Variants in CHLSN observed in about 807,000 individuals in gnomAD.
CHLSN encodes the protein cholesin.
chr7:984,837 G>A, the CHLSN span: 16 of 1,397,896 alleles, frequency 1.1e-5, no homozygotes, highest in South Asian at 4.2e-5. Context: ...GGATGGGGGT[G>A]AGGGCCCAGC....
chr7:1,023,045 C>T, the CHLSN span: 16 of 452,096 alleles, frequency 3.5e-5, no homozygotes, highest in Admixed American at 1.4e-4. This position sits in a 1 kb window ranked among gnomAD's most constrained non-coding sequence, Gnocchi z 5.0. Context: ...GAGCACAGGA[C>T]GCTTCCTGCC....
the CHLSN span, among the ~76,000 whole-genome samples, chr7:1,084,927 T>C: frequency 6.6e-5 from 10 of 152,162 alleles, no homozygotes; most frequent in African/African-American, 2.2e-4. Context: ...GGACTGGGGA[T>C]GGGACAGGGA....
At chr7:1,093,275 C>T in the CHLSN span, 7 of 440,954 alleles carry the variant, frequency 1.6e-5, no homozygotes, top group Non-Finnish European at 3.3e-5. Flanking sequence ...AGCAAATCTG[C>T]CACCGTGGGG....
At chr7:1,059,667 A>G in the CHLSN span, among the ~76,000 whole-genome samples, 144 of 29,870 alleles carry the variant, frequency 4.8e-3, no homozygotes, top group East Asian at 0.015. Flanking sequence ...GGGCGGGTCC[A>G]TAGTGAGGCG....
chr7:1,133,975 T>C, the CHLSN span, among the ~76,000 whole-genome samples: 3 of 152,068 alleles, frequency 2.0e-5, no homozygotes, highest in Admixed American at 1.3e-4. Context: ...TAGCTAACTC[T>C]TGTATTTTTT....
At chr7:1,057,804 G>T in the CHLSN span, 1 of 776,210 alleles carries the variant, frequency 1.3e-6, no homozygotes, top group East Asian at 2.4e-5. Context: ...GCTGTGGAGT[G>T]TGGGCGGCGA....
At chr7:1,025,902 C>G in the CHLSN span, 2 of 152,272 alleles carry the variant, frequency 1.3e-5, no homozygotes, top group Non-Finnish European at 2.9e-5. Flanking sequence ...CACCAGGACG[C>G]TGCCTGGGAC....
chr7:997,594 TGGGC>T, the CHLSN span: 2 of 1,491,074 alleles, frequency 1.3e-6, no homozygotes. Context: ...AGCCCTGCAC[TGGGC>T]AGCGGCCCCG....
chr7:983,981 C>A, the CHLSN span, among the ~76,000 whole-genome samples: 29,630 of 152,136 alleles, frequency 0.19, 3,150 homozygotes, highest in East Asian at 0.3. Context: ...CCGGCTGCCC[C>A]CAACTGCGGG....
chr7:1,040,395 TGAG>T, the CHLSN span, among the ~76,000 whole-genome samples: 5 of 152,082 alleles, frequency 3.3e-5, no homozygotes, highest in Admixed American at 6.5e-5. Flanking sequence ...CTCAGGAGGC[TGAG>T]GAGTGAGGAT....
At chr7:1,019,554 C>T in the CHLSN span, among the ~76,000 whole-genome samples, 1 of 152,228 alleles carries the variant, frequency 6.6e-6, no homozygotes, top group African/African-American at 2.4e-5. Context: ...CAGTGAAGCC[C>T]TGAGTCCAAG....
chr7:1,093,671 G>T, the CHLSN span: 1 of 470,010 alleles, frequency 2.1e-6, no homozygotes, highest in Non-Finnish European at 4.4e-6. Flanking sequence ...TCCAGCACCT[G>T]TGGCTGACGA....
chr7:1,072,139 G>T, the CHLSN span, among the ~76,000 whole-genome samples: 1 of 152,194 alleles, frequency 6.6e-6, no homozygotes. Context: ...CCGATACCCA[G>T]ACCCTCCCAT....
At chr7:1,021,554 G>A in the CHLSN span, 1 of 985,428 alleles carries the variant, frequency 1.0e-6, no homozygotes. Flanking sequence ...ACAGGAGTAG[G>A]GCTTCAGCAG....
At chr7:1,076,375 T>C in the CHLSN span, among the ~76,000 whole-genome samples, 1 of 152,156 alleles carries the variant, frequency 6.6e-6, no homozygotes, top group African/African-American at 2.4e-5. Context: ...AGGAGCACCC[T>C]TTCCTGAGCC....
At chr7:1,055,586 A>T in the CHLSN span, 4 of 378,882 alleles carry the variant, frequency 1.1e-5, no homozygotes, top group Non-Finnish European at 2.1e-5. Flanking sequence ...CACAGGTGGG[A>T]GAGAGGACGC....
the CHLSN span, among the ~76,000 whole-genome samples, chr7:1,136,455 C>CATATAAATATATATAAACAT: frequency 2.0e-5 from 2 of 99,872 alleles, no homozygotes; most frequent in African/African-American, 4.6e-5. Flanking sequence ...TATATATAAA[C>CATATAAATATATATAAACAT]ATATATAAAC....
chr7:978,635 G>C, the CHLSN span, among the ~76,000 whole-genome samples: 1 of 152,222 alleles, frequency 6.6e-6, no homozygotes, highest in Non-Finnish European at 1.5e-5. Flanking sequence ...CTGGCACGCT[G>C]GACATGCTCC....
chr7:1,129,594 T>C, the CHLSN span, among the ~76,000 whole-genome samples: 1 of 152,214 alleles, frequency 6.6e-6, no homozygotes, highest in Non-Finnish European at 1.5e-5. Context: ...CACAGGCGCA[T>C]GCCACCATGC....
Sources: gnomAD v4.1 joint callset for allele counts (sites outside exome capture counted in the v4.1 genomes callset) on GRCh38, gnomAD v4.1.1 for gene constraint, Gnocchi (gnomAD v3.1) non-coding constraint, MANE v1.5 for transcripts, NCBI Gene and HGNC (gene_info 2026-07-23, HGNC 2026-07-21) for gene names.